TENM2: variants seen among roughly 807,000 people sequenced by gnomAD.
TENM2 encodes teneurin-2.
A neutral mutation model predicts 245.2 loss-of-function variants in TENM2; 52 were observed. The observed-to-expected ratio is 0.21, with a 90% CI of 0.17 to 0.27. The LOEUF (loss-of-function observed/expected upper bound fraction) is 0.27, where lower values mean the gene tolerates loss of function less well. TENM2 is among the 10% of genes least tolerant of loss of function. TENM2 has a pLI of 1.00. For synonymous variants in TENM2, 1,363 were observed against 1,438.9 expected (o/e 0.95, Z 1.19); for missense variants, 3,046 against 3,666.8 (o/e 0.83, Z 4.37).
chr5:167,912,150 C>A (rs1776602850), intron 3 of TENM2, among the ~76,000 whole-genome samples: 1 of 152,112 alleles, frequency 6.6e-6, no homozygotes, highest in African/African-American at 2.4e-5. Context: ...CAACATCTAC[C>A]CAATCTCCAC....
the TENM2 span, among the ~76,000 whole-genome samples, chr5:167,069,563 A>T: frequency 6.6e-6 from 1 of 152,220 alleles, no homozygotes; most frequent in Non-Finnish European, 1.5e-5. Context: ...TAATCTAGAA[A>T]GTACATTTCC....
the TENM2 span, among the ~76,000 whole-genome samples, chr5:167,182,618 T>G: frequency 6.6e-6 from 1 of 152,180 alleles, no homozygotes; most frequent in Admixed American, 6.6e-5. Context: ...GATTTTCCAT[T>G]TGCCTTTTTG....
the TENM2 span, among the ~76,000 whole-genome samples, chr5:167,052,810 G>A: frequency 1.3e-5 from 2 of 151,512 alleles, no homozygotes; most frequent in Admixed American, 1.3e-4. Flanking sequence ...GGGCACTGTT[G>A]GAAATAGTTT....
At chr5:167,453,912 C>T (rs1765754458) in intron 2 of TENM2, among the ~76,000 whole-genome samples, 1 of 152,168 alleles carries the variant, frequency 6.6e-6, no homozygotes, top group Admixed American at 6.5e-5. Context: ...TCCTGCATTC[C>T]TGTCTATAAT....
At chr5:167,501,886 A>G (rs1358562900) in intron 2 of TENM2, among the ~76,000 whole-genome samples, 1 of 152,218 alleles carries the variant, frequency 6.6e-6, no homozygotes, top group Non-Finnish European at 1.5e-5. Flanking sequence ...AAGTAGAAAT[A>G]TATCAAGAGA....
chr5:168,249,176 A>G (rs142027029), intron 27 of TENM2, among the ~76,000 whole-genome samples: 3 of 152,004 alleles, frequency 2.0e-5, no homozygotes, highest in African/African-American at 7.2e-5. Context: ...CTAGTGGATG[A>G]TCATGAAATG....
chr5:168,255,875 G>A (rs1014789969), intron 27 of TENM2, among the ~76,000 whole-genome samples: 3 of 151,538 alleles, frequency 2.0e-5, no homozygotes, highest in Non-Finnish European at 4.4e-5. Flanking sequence ...GCATACTCTC[G>A]GCTCACTGCA....
chr5:167,595,401 T>A (rs1582486811), intron 2 of TENM2, among the ~76,000 whole-genome samples: 1 of 152,016 alleles, frequency 6.6e-6, no homozygotes, highest in Non-Finnish European at 1.5e-5. Flanking sequence ...ACTCAGCAAA[T>A]TGGGATGATG....
At chr5:167,417,022 T>C (rs1343460577) in intron 2 of TENM2, among the ~76,000 whole-genome samples, 1 of 152,202 alleles carries the variant, frequency 6.6e-6, no homozygotes, top group Non-Finnish European at 1.5e-5. Flanking sequence ...TCAAAGATAA[T>C]CTATAATCAA....
At chr5:167,863,012 C>T (rs1392465727) in intron 2 of TENM2, among the ~76,000 whole-genome samples, 1 of 152,206 alleles carries the variant, frequency 6.6e-6, no homozygotes, top group African/African-American at 2.4e-5. Flanking sequence ...TGCAATGACT[C>T]TATGTAGCCA....
intron 7 of TENM2, among the ~76,000 whole-genome samples, chr5:168,081,042 C>G (rs1159934924): frequency 6.6e-6 from 1 of 152,110 alleles, no homozygotes; most frequent in Non-Finnish European, 1.5e-5. Flanking sequence ...GTTAAAGTCT[C>G]CCATTATTAT....
chr5:167,860,025 T>G (rs1247997538), intron 2 of TENM2, among the ~76,000 whole-genome samples: 16 of 14,934 alleles, frequency 1.1e-3, no homozygotes, highest in African/African-American at 4.5e-3. Context: ...TCGGCCCCCC[T>G]GCCCGGCCAG....
the TENM2 span, among the ~76,000 whole-genome samples, chr5:167,138,016 C>A: frequency 0.031 from 4,727 of 152,156 alleles, 257 homozygotes; most frequent in African/African-American, 0.11. Context: ...ATTTATATTA[C>A]CAATTCTGGC....
intron 2 of TENM2, among the ~76,000 whole-genome samples, chr5:167,577,764 C>A (rs1774806337): frequency 6.6e-6 from 1 of 152,052 alleles, no homozygotes; most frequent in Non-Finnish European, 1.5e-5. Flanking sequence ...GTACGATGAG[C>A]TAAGTGTGCC....
intron 3 of TENM2, among the ~76,000 whole-genome samples, chr5:167,906,639 A>G (rs1776101603): frequency 1.3e-5 from 2 of 152,208 alleles, no homozygotes; most frequent in South Asian, 4.1e-4. Context: ...CATCTGATGA[A>G]GGCAAGGAGT....
At chr5:168,243,215 C>A (rs945623299) in intron 25 of TENM2, among the ~76,000 whole-genome samples, 1 of 152,224 alleles carries the variant, frequency 6.6e-6, no homozygotes, top group African/African-American at 2.4e-5. Flanking sequence ...TCAGGGCTAG[C>A]TGAATCTCAG....
intron 20 of TENM2, among the ~76,000 whole-genome samples, chr5:168,212,024 G>T (rs376862768): frequency 6.6e-6 from 1 of 152,088 alleles, no homozygotes; most frequent in Non-Finnish European, 1.5e-5. Flanking sequence ...CTTCTATCCC[G>T]ACTGCTCAGT....
intron 5 of TENM2, among the ~76,000 whole-genome samples, chr5:168,034,997 A>C (rs926576617): frequency 6.6e-6 from 1 of 152,176 alleles, no homozygotes; most frequent in African/African-American, 2.4e-5. Flanking sequence ...ATGATGTTTC[A>C]CTTTAACTGT....
At chr5:167,289,688 A>C (rs1478494750) in intron 1 of TENM2, among the ~76,000 whole-genome samples, 1 of 152,226 alleles carries the variant, frequency 6.6e-6, no homozygotes. Context: ...TGCTCTGTAT[A>C]ATTTGGCATA....
Sources: allele counts gnomAD v4.1 joint callset (sites outside exome capture counted in the v4.1 genomes callset), GRCh38; gene constraint gnomAD v4.1.1; transcripts MANE v1.5; gene names NCBI Gene and HGNC (gene_info 2026-07-23, HGNC 2026-07-21).